The following CENPU variants were observed in gnomAD, a reference collection of about 807,000 sequenced individuals.
The protein encoded by CENPU is centromere protein U.
In CENPU, 46 loss-of-function variants were observed where a neutral mutation model predicts 56.7. The ratio of observed to expected loss-of-function variants is 0.81; its 90% CI spans 0.64 to 1.04. CENPU has a LOEUF of 1.04. Ranked by LOEUF, CENPU falls within the 50% of genes least tolerant of loss-of-function variation. The probability of loss-of-function intolerance (pLI) is 0.00; values close to 1 mark genes in which losing one functional copy is unlikely to be tolerated. For missense variants in CENPU, 510 were observed against 490.1 expected, an observed-to-expected ratio of 1.04 and a Z score of -0.38; for synonymous variants, 166 against 163.0, an observed-to-expected ratio of 1.02 and a Z score of -0.14.
At chr4:184,717,066 C>A (rs1761118071) in intron 5 of CENPU, 70 bp downstream of exon 5, 4 of 980,102 alleles carry the variant, frequency 4.1e-6, no homozygotes, top group Non-Finnish European at 6.3e-6. Flanking sequence ...TTTTACAGAA[C>A]ATTTTCTGTA....
At chr4:184,698,814 T>C (rs557351239) in intron 11 of CENPU, among the ~76,000 whole-genome samples, 11 of 152,280 alleles carry the variant, frequency 7.2e-5, no homozygotes, top group African/African-American at 2.6e-4. Context: ...CTGGCAGCCA[T>C]GGTCAGGAGT....
intron 3 of CENPU, among the ~76,000 whole-genome samples, chr4:184,727,073 G>A (rs1270646033): frequency 2.8e-5 from 4 of 141,272 alleles, no homozygotes; most frequent in Non-Finnish European, 6.0e-5. Flanking sequence ...CCGAGATCGC[G>A]CCACTGCACT....
At position 184,694,267 on chromosome 4, in the gene CENPU, T is replaced by C. The variant is rs1335603089; in HGVS notation, c.*1021A>G. On this transcript the variant is annotated 3_prime_UTR_variant, in exon 13 of 13. Coordinates refer to ENST00000281453, the MANE Select transcript of CENPU (RefSeq NM_024629.4). ...ACCCTTGCTCTTCCGTCGGGGAGTA[T>C]TGAAAAGTATGTGCACAGAACTGTA... is the stretch of plus-strand genomic sequence containing the variant. 2 of 1,200,890 alleles carry C rather than the reference T, an allele frequency of 1.7e-6. No homozygotes were observed. Among genetic ancestry groups the C allele is most frequent in the African/African-American group, 3.1e-5 (2 of 65,112 alleles). The allele number at this position is 1,200,890 out of a possible 1,614,324, so 74.4% of individuals were successfully genotyped here.
At chr4:184,725,191 G>A in intron 3 of CENPU, 129 bp from the exon 4 acceptor site, 1 of 511,886 alleles carries the variant, frequency 2.0e-6, no homozygotes, top group Non-Finnish European at 3.4e-6. Flanking sequence ...CAATTACACA[G>A]GCCACTTCCC....
chr4:184,705,982 T>C (rs1760714206), intron 8 of CENPU, among the ~76,000 whole-genome samples: 1 of 152,192 alleles, frequency 6.6e-6, no homozygotes, highest in Non-Finnish European at 1.5e-5. Flanking sequence ...AATTGTGATT[T>C]AACGGGTACA....
At chr4:184,702,506 A>G (rs1483364036) in intron 8 of CENPU, 65 bp from the exon 9 acceptor site, 89 of 1,191,572 alleles carry the variant, frequency 7.5e-5, no homozygotes, top group Non-Finnish European at 1.0e-4. Context: ...TCATTTGCTT[A>G]GCATACAAAC....
chr4:184,718,325 G>A (rs1344546550), intron 4 of CENPU, among the ~76,000 whole-genome samples: 2 of 152,212 alleles, frequency 1.3e-5, no homozygotes, highest in Non-Finnish European at 2.9e-5. Context: ...TGCAGTCTGA[G>A]GCCACCTCTG....
intron 3 of CENPU, among the ~76,000 whole-genome samples, chr4:184,727,708 C>A (rs1230169888): frequency 6.6e-6 from 1 of 152,174 alleles, no homozygotes; most frequent in African/African-American, 2.4e-5. Context: ...CAAATGTTCA[C>A]AGCAGTATTA....
intron 11 of CENPU, 133 bp from the exon 12 acceptor site, chr4:184,697,936 C>T (rs564285951): frequency 4.0e-4 from 241 of 599,740 alleles, no homozygotes; most frequent in Non-Finnish European, 5.9e-4. Context: ...TCTGAAACTA[C>T]GAATGTGTAA....
chr4:184,734,075 C>A lies in CENPU; in HGVS notation c.-13G>T, dbSNP rs763778417. On this transcript the variant is annotated 5_prime_UTR_variant, in exon 1 of 13. Coordinates refer to ENST00000281453, the MANE Select transcript of CENPU (RefSeq NM_024629.4). ...CCCGCGGGGCCATGGTGCCGCTCTC[C>A]GCTCTCGAGCGACTGGAAGCTCCCG... is the stretch of plus-strand genomic sequence containing the variant. The A allele has an allele frequency of 6.9e-5, 106 of 1,546,870 alleles. No homozygotes were observed. Among genetic ancestry groups the A allele is most frequent in the Non-Finnish European group, 8.5e-5 (98 of 1,147,724 alleles).
chr4:184,726,981 G>GGA (rs1554012725), intron 3 of CENPU, among the ~76,000 whole-genome samples: 1 of 129,032 alleles, frequency 7.8e-6, no homozygotes, highest in African/African-American at 2.7e-5. Flanking sequence ...GGGTGGGGGG[G>GGA]GGGGGCGCCT....
At chr4:184,728,397 A>C (rs10025167) in intron 3 of CENPU, among the ~76,000 whole-genome samples, 27,114 of 152,106 alleles carry the variant, frequency 0.18, 2,722 homozygotes, top group African/African-American at 0.26. Context: ...TTTCTCTGTC[A>C]TTTCTGGCTT....
intron 8 of CENPU, among the ~76,000 whole-genome samples, chr4:184,704,385 C>T (rs1760650582): frequency 6.6e-6 from 1 of 152,124 alleles, no homozygotes; most frequent in African/African-American, 2.4e-5. Flanking sequence ...GTACTCAATA[C>T]AGTAACATGC....
chr4:184,715,565 G>C (rs1011222176), intron 6 of CENPU, among the ~76,000 whole-genome samples: 8 of 152,082 alleles, frequency 5.3e-5, no homozygotes, highest in Admixed American at 3.3e-4. Context: ...TGCCTGCCTT[G>C]GCCTCCCAAA....
intron 2 of CENPU, among the ~76,000 whole-genome samples, chr4:184,730,410 G>C (rs1004701644): frequency 6.6e-6 from 1 of 151,826 alleles, no homozygotes; most frequent in Admixed American, 6.6e-5. Context: ...AACTCCTTCC[G>C]GGGTGCCTGG....
At chr4:184,733,919 G>A (rs1284839747) in intron 1 of CENPU, 97 bp downstream of exon 1, 4 of 1,531,954 alleles carry the variant, frequency 2.6e-6, no homozygotes, top group Admixed American at 3.3e-5. Flanking sequence ...CTCCACAGTG[G>A]AGCACCAACA....
intron 3 of CENPU, 91 bp downstream of exon 3, chr4:184,728,827 T>G: frequency 1.1e-6 from 1 of 929,068 alleles, no homozygotes; most frequent in South Asian, 1.6e-5. Flanking sequence ...CAACTAATTT[T>G]TATATTTGAA....
At position 184,712,998 on chromosome 4, in the gene CENPU, C is replaced by T; in HGVS notation, c.634G>A (p.Gly212Arg). Residue 212 changes from glycine to arginine, a missense_variant, in exon 7 of 13, where the codon GGG (glycine) becomes AGG (arginine). By Grantham distance (125) the Gly-to-Arg change is moderately radical (BLOSUM62 -2). Coordinates refer to ENST00000281453, the MANE Select transcript of CENPU (RefSeq NM_024629.4). ...IESQSKTQKKGKISHDKRKKS... is the reference protein window; with the variant it reads ...IESQSKTQKKRKISHDKRKKS... Reference sequence around the variant, plus strand: ...TTCCTTTTGTCATGAGATATCTTCCCTTTTTTCTGAGTTTTCTACAAAAAA... The same window carrying T: ...TTCCTTTTGTCATGAGATATCTTCCTTTTTTTCTGAGTTTTCTACAAAAAA... 8 of 1,581,460 alleles carry T rather than the reference C, an allele frequency of 5.1e-6. 1 individual carries two copies. Among genetic ancestry groups the T allele is most frequent in the South Asian group, 1.1e-5 (1 of 88,008 alleles).
intron 8 of CENPU, among the ~76,000 whole-genome samples, chr4:184,706,416 A>G (rs1167078383): frequency 1.3e-5 from 2 of 152,222 alleles, no homozygotes; most frequent in Non-Finnish European, 2.9e-5. Context: ...TGATAAATCA[A>G]TGGATTCTTT....
Sources: gnomAD v4.1 joint callset for allele counts (sites outside exome capture counted in the v4.1 genomes callset) on GRCh38, gnomAD v4.1.1 for gene constraint, MANE v1.5 for transcripts, NCBI Gene and HGNC (gene_info 2026-07-23, HGNC 2026-07-21) for gene names.